KANK1: variants seen among roughly 807,000 people sequenced by gnomAD.
KANK1 encodes KN motif and ankyrin repeat domains 1.
In KANK1, 109 loss-of-function variants were observed where a neutral mutation model predicts 106.2. The observed-to-expected ratio is 1.03, with a 90% confidence interval of 0.88 to 1.20. The LOEUF (loss-of-function observed/expected upper bound fraction) is 1.20, where lower values mean the gene tolerates loss of function less well. Among genes scored for constraint, KANK1 ranks in the 50% most tolerant of loss-of-function variants. KANK1 has a pLI of 0.00. For synonymous variants in KANK1, 873 were observed against 652.2 expected, an observed-to-expected ratio of 1.34 and a Z score of -5.16; for missense variants, 2,399 against 1,710.7, an observed-to-expected ratio of 1.40 and a Z score of -7.10.
intron 1 of KANK1, among the ~76,000 whole-genome samples, chr9:555,587 T>G (rs2061535286): frequency 6.6e-6 from 1 of 152,252 alleles, no homozygotes; most frequent in Non-Finnish European, 1.5e-5. Context: ...TGCGTTTGTC[T>G]TCTTGCAGTG....
At chr9:531,078 A>G (rs1292467439) in intron 1 of KANK1, among the ~76,000 whole-genome samples, 2 of 152,222 alleles carry the variant, frequency 1.3e-5, no homozygotes, top group Non-Finnish European at 2.9e-5. Context: ...TTCTAACTCA[A>G]GGTTTGCTTC....
chr9:685,514 C>G (rs1818369628), intron 2 of KANK1: 1 of 152,142 alleles, frequency 6.6e-6, no homozygotes, highest in South Asian at 2.1e-4. Context: ...AAAGTTAAAT[C>G]TTTGTACTCT....
intron 1 of KANK1, among the ~76,000 whole-genome samples, chr9:513,448 A>C (rs2059121788): frequency 1.3e-5 from 2 of 152,206 alleles, no homozygotes; most frequent in Non-Finnish European, 2.9e-5. Flanking sequence ...GGATTCATTT[A>C]GTTAATACAA....
intron 1 of KANK1, among the ~76,000 whole-genome samples, chr9:629,794 T>G (rs1051032442): frequency 6.6e-6 from 1 of 152,204 alleles, no homozygotes; most frequent in African/African-American, 2.4e-5. Context: ...ATTAGACGAA[T>G]GGGCACCCCA....
rs561269933 is a variant in KANK1, at chr9:536,736, A to G, written c.-84+31982A>G. On this transcript the variant is annotated intron_variant, in intron 1 of 11. Coordinates refer to ENST00000382297, the MANE Select transcript of KANK1 (RefSeq NM_015158.5). ...CCTTAATCTTAATGCCGTCTGCACA[A>G]TGACTTTTGCCATGAATGTAACATA... Among the ~76,000 whole-genome samples the G allele has an allele frequency of 6.6e-5, 10 of 151,074 alleles. No individual in the cohort carries two copies. In the South Asian group the frequency reaches 1.2e-3, roughly 19 times the overall value.
intron 3 of KANK1, among the ~76,000 whole-genome samples, chr9:729,566 T>A (rs1831653220): frequency 6.6e-6 from 1 of 151,978 alleles, no homozygotes; most frequent in African/African-American, 2.4e-5. Context: ...ACAGGAGGAG[T>A]GGGAAATGAA....
At chr9:493,095 A>G (rs2058404279) in intron 3 of KANK1, among the ~76,000 whole-genome samples, 4 of 150,894 alleles carry the variant, frequency 2.7e-5, no homozygotes, top group Admixed American at 2.6e-4. Context: ...GTCTCTGAAT[A>G]TTCACATCCT....
At chr9:668,696 A>G (rs1047070019) in intron 1 of KANK1, among the ~76,000 whole-genome samples, 1 of 152,132 alleles carries the variant, frequency 6.6e-6, no homozygotes, top group Non-Finnish European at 1.5e-5. Flanking sequence ...AGATAAAACA[A>G]GTTATTTTAA....
intron 2 of KANK1, chr9:706,774 G>A (rs1013277493): frequency 1.3e-5 from 13 of 985,262 alleles, no homozygotes; most frequent in Admixed American, 6.1e-5. Flanking sequence ...AGTGCTGCCC[G>A]GATCCTGAGA....
chr9:744,550 T>G lies in KANK1; in HGVS notation c.3957T>G (p.Leu1319=), dbSNP rs763785024. The G allele has an allele frequency of 1.2e-6, 2 of 1,614,182 alleles. No individual in the cohort carries two copies. Among genetic ancestry groups the G allele is most frequent in the Non-Finnish European group, 1.7e-6 (2 of 1,180,036 alleles). The change falls in exon 11 of 12, where the codon CTT becomes CTG. Residue 1319 remains leucine, a synonymous_variant. Coordinates refer to ENST00000382297, the MANE Select transcript of KANK1 (RefSeq NM_015158.5). ...LEAGHKDIAV[L]LYAHVNFAKA... ...CAGGACACAAGGACATCGCTGTTCT[T>G]CTGTATGCCCATGTCAACTTTGCAA...
intron 1 of KANK1, among the ~76,000 whole-genome samples, chr9:523,784 C>T (rs1224390256): frequency 6.6e-6 from 1 of 150,872 alleles, no homozygotes; most frequent in Non-Finnish European, 1.5e-5. Context: ...CTTCTCCTGG[C>T]ACTCCAGGTC....
chr9:679,440 A>C (rs1418808026), intron 2 of KANK1, among the ~76,000 whole-genome samples: 2 of 152,052 alleles, frequency 1.3e-5, no homozygotes, highest in Non-Finnish European at 2.9e-5. Flanking sequence ...TTTGAGATGG[A>C]GTCTTGCTCT....
chr9:484,985 C>G (rs1436080892), intron 3 of KANK1, among the ~76,000 whole-genome samples: 1 of 152,058 alleles, frequency 6.6e-6, no homozygotes, highest in Non-Finnish European at 1.5e-5. Flanking sequence ...AATGCTTTGG[C>G]CTATCCAGGC....
intron 1 of KANK1, among the ~76,000 whole-genome samples, chr9:622,258 C>A (rs759723767): frequency 6.6e-6 from 1 of 152,188 alleles, no homozygotes; most frequent in South Asian, 2.1e-4. Flanking sequence ...AGTTAATAAT[C>A]TGTGTATATT....
In KANK1 at chr9:718,459, C is replaced by T. The variant is rs1828359209; in HGVS notation, c.2698+4995C>T. ...TCCCAAGTTGCTGGGACTACAGGTG[C>T]ATGCCACCATACCTGGCTAATTTTT... On this transcript the variant is annotated intron_variant, in intron 3 of 11. Transcript: ENST00000382297. 2.7e-5 allele frequency among the ~76,000 whole-genome samples: 4 copies of T among 147,182 alleles called. No homozygotes were observed. In the South Asian group the frequency reaches 9.2e-4, roughly 34 times the overall value.
intron 1 of KANK1, among the ~76,000 whole-genome samples, chr9:612,238 TG>T (rs1769647925): frequency 6.6e-6 from 1 of 152,198 alleles, no homozygotes; most frequent in African/African-American, 2.4e-5. Context: ...TTGTGGCTCT[TG>T]GGTAAGACTG....
chr9:657,354 G>A (rs987913762), intron 1 of KANK1, among the ~76,000 whole-genome samples: 4 of 151,990 alleles, frequency 2.6e-5, no homozygotes, highest in Non-Finnish European at 4.4e-5. Context: ...ATGTCTCTTC[G>A]AGTTCCTGTT....
rs933556873 is a variant in KANK1, at chr9:514,837, A to C, written c.-84+10083A>C. On this transcript the variant is annotated intron_variant, in intron 1 of 11. Transcript: ENST00000382297. ...TGCAATTTTTGGGCCATGCAGTTCA[A>C]CTGGAGTAGGTACCGTCAGAGTGGT... Among the ~76,000 whole-genome samples, 9 of 151,710 alleles carry C rather than the reference A, an allele frequency of 5.9e-5. 1 individual carries two copies. Among genetic ancestry groups the C allele is most frequent in the African/African-American group, 2.0e-4 (8 of 40,980 alleles).
chr9:482,022 T>C (rs2058213696), intron 3 of KANK1, among the ~76,000 whole-genome samples: 2 of 152,186 alleles, frequency 1.3e-5, no homozygotes, highest in South Asian at 4.1e-4. Context: ...CTGTCACCTA[T>C]TCTGTTCTGA....
Sources: gnomAD v4.1 joint callset for allele counts (sites outside exome capture counted in the v4.1 genomes callset) on GRCh38, gnomAD v4.1.1 for gene constraint, MANE v1.5 for transcripts, NCBI Gene and HGNC (gene_info 2026-07-23, HGNC 2026-07-21) for gene names.